STARD9: variants seen among roughly 807,000 people sequenced by gnomAD.
STARD9 encodes the protein stAR-related lipid transfer protein 9.
A neutral mutation model predicts 399.8 loss-of-function variants in STARD9; 346 were observed. The ratio of observed to expected loss-of-function variants is 0.87; its 90% confidence interval spans 0.79 to 0.95. The LOEUF is 0.95. STARD9 is among the 40% of genes least tolerant of loss of function. The pLI, the probability that STARD9 is intolerant of heterozygous loss-of-function variation, is 0.00. For synonymous variants in STARD9, 2,203 were observed against 2,143.5 expected (o/e 1.03, Z -0.77); for missense variants, 5,832 against 5,667.5 (o/e 1.03, Z -0.93).
At chr15:42,626,988 C>T (rs1405907294) in intron 3 of STARD9, among the ~76,000 whole-genome samples, 1 of 152,010 alleles carries the variant, frequency 6.6e-6, no homozygotes, top group African/African-American at 2.4e-5. Context: ...GTAGCTGAGG[C>T]CTCTCAGCCT....
chr15:42,689,899 C>T lies in STARD9; in HGVS notation c.8321C>T (p.Pro2774Leu). ...VPQETAEGIP[P>L]GSQDSSPEHQ... ...CAGGAGACTGCAGAGGGCATACCCCCTGGCAGTCAGGACAGCAGCCCAGAG... is the reference window on the plus strand; with the variant it reads ...CAGGAGACTGCAGAGGGCATACCCCTTGGCAGTCAGGACAGCAGCCCAGAG... Residue 2774 changes from proline (P) to leucine (L), a missense_variant, in exon 23 of 33, where the codon CCT (proline) becomes CTT (leucine). Coordinates refer to ENST00000290607, the MANE Select transcript of STARD9 (RefSeq NM_020759.3). 6.5e-7 allele frequency: 1 copy of T among 1,537,668 alleles called. No homozygotes were observed. Among genetic ancestry groups the T allele is most frequent in the Non-Finnish European group, 8.7e-7 (1 of 1,146,998 alleles).
At chr15:42,616,060 A>G (rs1386121915) in intron 3 of STARD9, among the ~76,000 whole-genome samples, 1 of 151,904 alleles carries the variant, frequency 6.6e-6, no homozygotes, top group African/African-American at 2.4e-5. Context: ...TTCGCTTGGT[A>G]TAAGAAGTGA....
rs2060582547 is a variant in STARD9, at chr15:42,687,281, C to T, written c.5703C>T (p.Ser1901=). ...AQSCCGASSD[S]TESGKSLLFR... ...CCTGTTGCGGTGCTTCCTCAGACAG[C>T]ACTGAGTCTGGGAAGTCTCTCCTCT... The change falls in exon 23 of 33, where the codon AGC becomes AGT. Residue 1901 remains serine (S), a synonymous_variant. Transcript: ENST00000290607. The T allele has an allele frequency of 1.3e-6, 2 of 1,536,670 alleles. No individual in the cohort carries two copies. The highest frequency in any genetic ancestry group is 2.0e-5 in the Admixed American group (1 of 50,984).
chr15:42,649,061 G>A (rs185193256), intron 7 of STARD9, among the ~76,000 whole-genome samples: 15 of 151,716 alleles, frequency 9.9e-5, no homozygotes, highest in Non-Finnish European at 1.9e-4. Flanking sequence ...ATGGAGCCTC[G>A]CTGTGTTGCC....
chr15:42,720,024 G>A lies in STARD9; in HGVS notation c.*450G>A, dbSNP rs1242830279. On this transcript the variant is annotated 3_prime_UTR_variant, in exon 33 of 33. Coordinates refer to ENST00000290607, the MANE Select transcript of STARD9 (RefSeq NM_020759.3). The stretch of plus-strand genomic sequence containing the variant: ...CTGAATCTACCTCCTCTAGCATTCA[G>A]CTCTACTGTGTGATGGGACGTTAAA... 2 of 157,976 alleles carry A rather than the reference G, an allele frequency of 1.3e-5. No homozygotes were observed. Among genetic ancestry groups the A allele is most frequent in the East Asian group, 3.7e-4 (2 of 5,374 alleles). 9.8% of individuals were successfully genotyped at this position (157,976 alleles called of 1,614,324 possible).
intron 18 of STARD9, chr15:42,675,429 A>C (rs2140168477): frequency 1.9e-6 from 1 of 535,900 alleles, no homozygotes; most frequent in Non-Finnish European, 3.3e-6. Context: ...GTGTTCCCTG[A>C]CTACTCCACC....
chr15:42,603,954 C>T (rs2058680499), intron 3 of STARD9, among the ~76,000 whole-genome samples: 1 of 152,136 alleles, frequency 6.6e-6, no homozygotes, highest in East Asian at 1.9e-4. Context: ...CTGCATGACT[C>T]CTGCACCGTA....
chr15:42,693,535 A>G lies in STARD9; in HGVS notation c.11957A>G (p.Gln3986Arg). The change falls in exon 23 of 33, where the codon CAG (glutamine) becomes CGG (arginine). Residue 3986 changes from glutamine (Q) to arginine (R), a missense_variant. Physicochemically the swap from Gln to Arg is conservative, Grantham distance 43 (BLOSUM62 1). Transcript: ENST00000290607. Reference protein sequence around the residue: ...FLELHSPHSPQQSPKLQFSFL... With the variant: ...FLELHSPHSPRQSPKLQFSFL... Reference sequence around the variant, plus strand: ...GAGTTGCACTCCCCACACAGCCCACAGCAGAGTCCAAAACTCCAATTTAGT... The same window carrying G: ...GAGTTGCACTCCCCACACAGCCCACGGCAGAGTCCAAAACTCCAATTTAGT... 6.5e-7 allele frequency: 1 copy of G among 1,537,298 alleles called. No individual in the cohort carries two copies. Among genetic ancestry groups the G allele is most frequent in the Admixed American group, 2.0e-5 (1 of 51,004 alleles).
At position 42,692,509 on chromosome 15, in the gene STARD9, C is replaced by T. The variant is rs1380444582; in HGVS notation, c.10931C>T (p.Thr3644Ile). 1 of 1,537,072 alleles carries T rather than the reference C, an allele frequency of 6.5e-7. No homozygotes were observed. The highest frequency in any genetic ancestry group is 2.0e-5 in the Admixed American group (1 of 50,990). ...RTNTFEQGTQTLGSRRHWSST... is the reference protein window; with the variant it reads ...RTNTFEQGTQILGSRRHWSST... The stretch of plus-strand genomic sequence containing the variant: ...AACACATTCGAACAGGGCACACAGA[C>T]CCTCGGCAGCAGGCGCCACTGGAGC... The change falls in exon 23 of 33, where the codon ACC becomes ATC. Residue 3644 changes from threonine (T) to isoleucine (I), a missense_variant. Coordinates refer to ENST00000290607, the MANE Select transcript of STARD9 (RefSeq NM_020759.3).
At chr15:42,714,185 C>T (rs1367274684) in intron 26 of STARD9, among the ~76,000 whole-genome samples, 2 of 151,538 alleles carry the variant, frequency 1.3e-5, no homozygotes, top group East Asian at 3.9e-4. Flanking sequence ...GCCTCAGCCT[C>T]CCGAGTAGCT....
chr15:42,654,494 G>C (rs1013592844), intron 9 of STARD9, among the ~76,000 whole-genome samples: 1 of 152,126 alleles, frequency 6.6e-6, no homozygotes, highest in Non-Finnish European at 1.5e-5. Flanking sequence ...TCAAACTGTT[G>C]CTGTTCGCTG....
At chr15:42,648,420 C>G (rs1285643929) in intron 7 of STARD9, among the ~76,000 whole-genome samples, 1 of 152,166 alleles carries the variant, frequency 6.6e-6, no homozygotes, top group East Asian at 1.9e-4. Context: ...GCCTCGGCCT[C>G]CCAAAGTGCT....
Position 42,718,048 on chromosome 15 carries a change from G to A in STARD9, c.13631G>A (p.Gly4544Glu). The change falls in exon 30 of 33, where the codon GGG becomes GAG. Residue 4544 changes from glycine to glutamate, a missense_variant. Coordinates refer to ENST00000290607, the MANE Select transcript of STARD9 (RefSeq NM_020759.3). ...VFSPTRHGFL[G>E]AGVVSQPLSR... The stretch of plus-strand genomic sequence containing the variant: ...TCTCCCACTCGGCATGGCTTCCTGG[G>A]GGCAGGTGTGGTGTCCCAGCCGCTG... 6.5e-7 allele frequency: 1 copy of A among 1,537,220 alleles called. No homozygotes were observed. The highest frequency in any genetic ancestry group is 8.7e-7 in the Non-Finnish European group (1 of 1,146,912).
chr15:42,692,881 C>T lies in STARD9; in HGVS notation c.11303C>T (p.Thr3768Ile), dbSNP rs1483982816. The T allele has an allele frequency of 6.5e-7, 1 of 1,537,242 alleles. No individual in the cohort carries two copies. The highest frequency in any genetic ancestry group is 1.4e-5 in the African/African-American group (1 of 73,142). The part of the protein sequence containing the change: ...NVILEGLGSD[T>I]STVSQEEGDV... The stretch of plus-strand genomic sequence containing the variant: ...ATCCTTGAAGGGCTAGGCTCAGATA[C>T]CTCGACTGTGTCTCAAGAAGAGGGA... Residue 3768 changes from threonine to isoleucine, a missense_variant, in exon 23 of 33, where the codon ACC becomes ATC. Transcript: ENST00000290607.
chr15:42,675,145 T>G (rs2060283600), intron 18 of STARD9, among the ~76,000 whole-genome samples, 181 bp downstream of exon 18: 1 of 152,164 alleles, frequency 6.6e-6, no homozygotes, highest in Non-Finnish European at 1.5e-5. Flanking sequence ...TCCAAAGTCT[T>G]GGAGTGAAGA....
Position 42,716,929 on chromosome 15 carries a change from C to T in STARD9, c.13375C>T (p.His4459Tyr), listed in dbSNP as rs974152828. Residue 4459 changes from histidine to tyrosine, a missense_variant and splice_region_variant, in exon 28 of 33, where the codon CAC (histidine) becomes TAC (tyrosine). This residue lies in a region of STARD9 where 5,828 missense variants were observed against 5,651.1 expected (regional missense o/e 1.03). Coordinates refer to ENST00000290607, the MANE Select transcript of STARD9 (RefSeq NM_020759.3). The part of the protein sequence containing the change: ...SAVRKNSAYS[H>Y]RASLGSCCCS... ...GGGCCTCCACCTATTTCTTGTAGGCCACAGAGCCTCCCTGGGCAGTTGCTG... is the reference window on the plus strand; with the variant it reads ...GGGCCTCCACCTATTTCTTGTAGGCTACAGAGCCTCCCTGGGCAGTTGCTG... The T allele has an allele frequency of 6.5e-7, 1 of 1,537,192 alleles. No homozygotes were observed. Among genetic ancestry groups the T allele is most frequent in the Non-Finnish European group, 8.7e-7 (1 of 1,146,874 alleles).
At chr15:42,651,107 G>A in intron 8 of STARD9, 22 bp downstream of exon 8, 2 of 1,505,164 alleles carry the variant, frequency 1.3e-6, no homozygotes, top group Non-Finnish European at 1.8e-6. Context: ...GTTTGTTTCT[G>A]TCATTCTTTT....
intron 4 of STARD9, among the ~76,000 whole-genome samples, chr15:42,636,522 G>A (rs549728335): frequency 2.0e-5 from 3 of 152,058 alleles, no homozygotes; most frequent in African/African-American, 4.8e-5. Flanking sequence ...GAGAGGTTGC[G>A]GTGAGCTGAG....
In STARD9 at chr15:42,692,510, C is replaced by T; in HGVS notation, c.10932C>T (p.Thr3644=). ...ACACATTCGAACAGGGCACACAGAC[C>T]CTCGGCAGCAGGCGCCACTGGAGCA... ...RTNTFEQGTQ[T]LGSRRHWSST... is the part of the protein sequence containing the mutation. The change falls in exon 23 of 33, where the codon ACC becomes ACT. Residue 3644 remains threonine, a synonymous_variant. Transcript: ENST00000290607. The T allele has an allele frequency of 6.5e-7, 1 of 1,537,168 alleles. No individual in the cohort carries two copies. Among genetic ancestry groups the T allele is most frequent in the East Asian group, 2.4e-5 (1 of 40,918 alleles).
Sources: gnomAD v4.1 joint callset for allele counts (sites outside exome capture counted in the v4.1 genomes callset) on GRCh38, gnomAD v4.1.1 for gene constraint, gnomAD v4.1.1 regional missense constraint, MANE v1.5 for transcripts, NCBI Gene and HGNC (gene_info 2026-07-23, HGNC 2026-07-21) for gene names.